CPA6: variants seen among roughly 807,000 people sequenced by gnomAD.
CPA6 encodes carboxypeptidase A6, also known as carboxypeptidase B.
CPA6 carries 58 observed loss-of-function variants against 63.3 expected under a neutral mutation model. The observed-to-expected ratio is 0.92, with a 90% CI of 0.74 to 1.14. The LOEUF (loss-of-function observed/expected upper bound fraction) is 1.14. CPA6 is among the 50% of genes most tolerant of loss of function. CPA6 has a pLI of 0.00. For synonymous variants in CPA6, 185 were observed against 179.0 expected (o/e 1.03, Z -0.27); for missense variants, 565 against 526.6 (o/e 1.07, Z -0.71).
intron 1 of CPA6, among the ~76,000 whole-genome samples, chr8:67,726,733 C>T (rs759614897): frequency 7.2e-5 from 11 of 152,248 alleles, no homozygotes; most frequent in South Asian, 4.1e-4. Context: ...CAGGGAGGTT[C>T]TGGCATTATT....
intron 1 of CPA6, among the ~76,000 whole-genome samples, chr8:67,744,072 A>G (rs1309261246): frequency 6.6e-6 from 1 of 152,210 alleles, no homozygotes; most frequent in Non-Finnish European, 1.5e-5. Flanking sequence ...GGAGTAAACA[A>G]AGCAAAACAT....
At chr8:67,424,162 G>A (rs1292946783) in intron 10 of CPA6, among the ~76,000 whole-genome samples, 3 of 152,096 alleles carry the variant, frequency 2.0e-5, no homozygotes, top group Admixed American at 6.5e-5. Context: ...CTAATTGCAG[G>A]AAAACAAACT....
At chr8:67,441,083 T>C (rs1810284560) in intron 8 of CPA6, among the ~76,000 whole-genome samples, 1 of 152,206 alleles carries the variant, frequency 6.6e-6, no homozygotes, top group African/African-American at 2.4e-5. Context: ...TATCCTATTG[T>C]GGAAAAACTA....
intron 1 of CPA6, among the ~76,000 whole-genome samples, chr8:67,736,521 T>G (rs767615272): frequency 1.3e-5 from 2 of 152,202 alleles, no homozygotes; most frequent in African/African-American, 2.4e-5. Flanking sequence ...CTCTCCCTTC[T>G]TGGATCCCTT....
At chr8:67,717,450 C>T (rs748531735) in intron 1 of CPA6, among the ~76,000 whole-genome samples, 2 of 152,192 alleles carry the variant, frequency 1.3e-5, no homozygotes, top group African/African-American at 4.8e-5. Context: ...ATCACACACT[C>T]TCTATAAAAT....
chr8:67,712,747 C>T (rs1817288603), intron 1 of CPA6, among the ~76,000 whole-genome samples: 1 of 151,944 alleles, frequency 6.6e-6, no homozygotes, highest in African/African-American at 2.4e-5. Flanking sequence ...AGAAATAAAC[C>T]ATCCCTAAGT....
intron 8 of CPA6, among the ~76,000 whole-genome samples, chr8:67,462,358 T>C (rs1005542594): frequency 3.9e-5 from 6 of 152,242 alleles, no homozygotes; most frequent in African/African-American, 1.4e-4. Flanking sequence ...AGCCTCATTC[T>C]GGCTAAATAT....
chr8:67,445,938 A>G (rs1174195262), intron 8 of CPA6, among the ~76,000 whole-genome samples: 4 of 152,230 alleles, frequency 2.6e-5, no homozygotes, highest in Non-Finnish European at 5.9e-5. Flanking sequence ...ATGGTTAAAA[A>G]CAAAGGAAAA....
chr8:67,463,848 A>G (rs1331153574), intron 8 of CPA6, among the ~76,000 whole-genome samples: 1 of 152,256 alleles, frequency 6.6e-6, no homozygotes, highest in Non-Finnish European at 1.5e-5. Context: ...TGCAAAGGAC[A>G]TGATTTCATT....
At chr8:67,566,895 C>T (rs887390250) in intron 2 of CPA6, among the ~76,000 whole-genome samples, 1 of 152,178 alleles carries the variant, frequency 6.6e-6, no homozygotes, top group Non-Finnish European at 1.5e-5. Flanking sequence ...AAGTAGAAGG[C>T]TGTTCTTTAT....
chr8:67,728,479 G>C (rs1214491395), intron 1 of CPA6, among the ~76,000 whole-genome samples: 1 of 152,110 alleles, frequency 6.6e-6, no homozygotes, highest in African/African-American at 2.4e-5. Context: ...TCTATAATTT[G>C]CACTATAATG....
chr8:67,576,042 G>A (rs1038651712), intron 2 of CPA6, among the ~76,000 whole-genome samples: 21 of 152,140 alleles, frequency 1.4e-4, no homozygotes, highest in Admixed American at 1.2e-3. Context: ...GAAGTTTGGA[G>A]GAATGGGGAG....
At chr8:67,474,720 A>G (rs1272422968) in intron 8 of CPA6, among the ~76,000 whole-genome samples, 1 of 152,178 alleles carries the variant, frequency 6.6e-6, no homozygotes, top group Non-Finnish European at 1.5e-5. Context: ...TCACATCTGT[A>G]ATCCCAGCAC....
At chr8:67,630,346 G>A (rs902192295) in intron 1 of CPA6, among the ~76,000 whole-genome samples, 22 of 151,930 alleles carry the variant, frequency 1.4e-4, no homozygotes, top group Non-Finnish European at 2.4e-4. Flanking sequence ...GTGCAGCTTT[G>A]GGATGTGGGG....
chr8:67,706,206 T>C (rs1012978399), intron 1 of CPA6, among the ~76,000 whole-genome samples: 2 of 152,222 alleles, frequency 1.3e-5, no homozygotes, highest in African/African-American at 4.8e-5. Context: ...TTGTACAACT[T>C]GCCTGCTTTA....
intron 1 of CPA6, among the ~76,000 whole-genome samples, chr8:67,655,105 G>GAGTGTTT (rs1815953616): frequency 6.6e-6 from 1 of 152,138 alleles, no homozygotes; most frequent in South Asian, 2.1e-4. Flanking sequence ...AAATGGTCTG[G>GAGTGTTT]AGTGTTTCAA....
intron 6 of CPA6, among the ~76,000 whole-genome samples, chr8:67,505,912 T>C (rs544170533): frequency 9.2e-5 from 14 of 152,300 alleles, no homozygotes; most frequent in African/African-American, 2.9e-4. Flanking sequence ...AATGGTTTTC[T>C]ATAAGTACAG....
At position 67,725,045 on chromosome 8, in the gene CPA6, G is replaced by A. The variant is rs182264144; in HGVS notation, c.116+20969C>T. On this transcript the variant is annotated intron_variant, in intron 1 of 10. Coordinates refer to ENST00000297770, the MANE Select transcript of CPA6 (RefSeq NM_020361.5). The stretch of plus-strand genomic sequence containing the variant: ...CCTGGGCTAGAATAGTCGGCTACCT[G>A]GGCTAGAGTGGAAATTCAGTGAAAA... Among the ~76,000 whole-genome samples, 4 of 152,300 alleles carry A rather than the reference G, an allele frequency of 2.6e-5. No individual in the cohort carries two copies. In the East Asian group the frequency reaches 7.7e-4, roughly 29 times the overall value.
chr8:67,489,320 C>T (rs986802600), intron 6 of CPA6, among the ~76,000 whole-genome samples: 4 of 152,006 alleles, frequency 2.6e-5, no homozygotes, highest in East Asian at 1.9e-4. Flanking sequence ...AGACTTTATT[C>T]GTTTCTCATA....
Sources: allele counts gnomAD v4.1 joint callset (sites outside exome capture counted in the v4.1 genomes callset), GRCh38; gene constraint gnomAD v4.1.1; transcripts MANE v1.5; gene names NCBI Gene and HGNC (gene_info 2026-07-23, HGNC 2026-07-21).